NRXN1: variants seen among roughly 807,000 people sequenced by gnomAD.
NRXN1 encodes the protein neurexin-1.
Under a neutral mutation model 150.9 loss-of-function variants are expected in NRXN1, and 39 were observed. That is an observed-to-expected ratio of 0.26 (90% CI 0.20 to 0.34). The LOEUF is 0.34. Ranked by LOEUF, NRXN1 falls within the 10% of genes least tolerant of loss-of-function variation. The pLI is 1.00. For synonymous variants in NRXN1, 924 were observed against 757.0 expected (o/e 1.22, Z -3.62); for missense variants, 1,815 against 1,949.9 (o/e 0.93, Z 1.30).
intron 2 of NRXN1, among the ~76,000 whole-genome samples, chr2:51,011,001 T>C (rs1182359447): frequency 6.6e-6 from 1 of 151,992 alleles, no homozygotes; most frequent in Non-Finnish European, 1.5e-5. Flanking sequence ...CTCAAACTCC[T>C]GGCCTCAAAC....
intron 5 of NRXN1, among the ~76,000 whole-genome samples, chr2:50,846,161 T>G (rs1378890767): frequency 1.3e-5 from 2 of 152,218 alleles, no homozygotes; most frequent in Non-Finnish European, 2.9e-5. Flanking sequence ...CATACATTTT[T>G]TCTGAACCAC....
At chr2:50,369,833 A>C (rs1223528142) in intron 17 of NRXN1, among the ~76,000 whole-genome samples, 1 of 151,988 alleles carries the variant, frequency 6.6e-6, no homozygotes, top group Non-Finnish European at 1.5e-5. Flanking sequence ...CAAGATGTTA[A>C]TCTCCCAGTG....
chr2:50,627,351 T>A (rs1681296429), intron 5 of NRXN1, among the ~76,000 whole-genome samples: 2 of 109,464 alleles, frequency 1.8e-5, no homozygotes, highest in African/African-American at 7.3e-5. Flanking sequence ...GGGTTCTGGT[T>A]CATGTATGTG....
intron 18 of NRXN1, among the ~76,000 whole-genome samples, chr2:50,179,720 TA>T (rs1471136333): frequency 6.6e-6 from 1 of 152,154 alleles, no homozygotes; most frequent in African/African-American, 2.4e-5. Flanking sequence ...TACCCTTTTT[TA>T]TACTACATAG....
chr2:50,147,709 C>T (rs1184308255), intron 18 of NRXN1, among the ~76,000 whole-genome samples: 1 of 151,674 alleles, frequency 6.6e-6, no homozygotes, highest in Non-Finnish European at 1.5e-5. Context: ...AGATAAAAAC[C>T]ACTTAGTTAG....
intron 5 of NRXN1, among the ~76,000 whole-genome samples, chr2:50,853,909 A>C (rs530452106): frequency 4.6e-5 from 7 of 152,196 alleles, no homozygotes; most frequent in African/African-American, 1.2e-4. Flanking sequence ...TAATTTCGCA[A>C]CACATGCTCC....
chr2:50,758,990 T>C (rs10445932), intron 5 of NRXN1, among the ~76,000 whole-genome samples: 11,983 of 151,912 alleles, frequency 0.079, 609 homozygotes, highest in Middle Eastern at 0.15. Context: ...TGCACAAGAG[T>C]TTGTATTAGA....
chr2:50,773,068 C>G (rs934314928), intron 5 of NRXN1, among the ~76,000 whole-genome samples: 2 of 152,186 alleles, frequency 1.3e-5, no homozygotes, highest in Non-Finnish European at 2.9e-5. Context: ...CAGTAACAAG[C>G]TGTCATACAA....
At chr2:50,209,546 G>T (rs2062859771) in intron 18 of NRXN1, among the ~76,000 whole-genome samples, 1 of 152,068 alleles carries the variant, frequency 6.6e-6, no homozygotes, top group South Asian at 2.1e-4. Context: ...AAGTTTATCA[G>T]TTCAAAATAG....
chr2:50,100,146 A>C (rs1013784759), intron 18 of NRXN1, among the ~76,000 whole-genome samples: 9 of 152,150 alleles, frequency 5.9e-5, no homozygotes, highest in Admixed American at 5.2e-4. Flanking sequence ...AGATTCTCCA[A>C]TTTAGGAGGA....
chr2:50,246,588 T>C (rs989319207), intron 17 of NRXN1, among the ~76,000 whole-genome samples: 1 of 152,034 alleles, frequency 6.6e-6, no homozygotes, highest in Admixed American at 6.6e-5. Flanking sequence ...TATTTTGGAC[T>C]GGAACAGAAG....
intron 8 of NRXN1, among the ~76,000 whole-genome samples, chr2:50,560,851 T>C (rs563806503): frequency 1.2e-4 from 18 of 152,282 alleles, no homozygotes; most frequent in Admixed American, 1.0e-3. Context: ...GTACAGATAA[T>C]ATTTTCAATA....
chr2:50,244,713 T>C (rs560447075), intron 17 of NRXN1, among the ~76,000 whole-genome samples: 1 of 152,028 alleles, frequency 6.6e-6, no homozygotes, highest in Admixed American at 6.6e-5. Flanking sequence ...TTACTATGGT[T>C]AATATTATTG....
intron 18 of NRXN1, among the ~76,000 whole-genome samples, chr2:50,143,966 T>C (rs1707651854): frequency 6.6e-6 from 1 of 151,978 alleles, no homozygotes; most frequent in Non-Finnish European, 1.5e-5. Context: ...TATATTTTTC[T>C]CCTCTTCCAT....
In NRXN1 at chr2:49,919,313, AT is replaced by A. The variant is rs1667812881; in HGVS notation, c.*2630del. ...TTCTTTTTCCATTGAGGAAAAAATA[AT>A]TTTTGCTAGAGTTTGTGTAAGCCAA... On this transcript the variant is annotated 3_prime_UTR_variant, in exon 23 of 23. Coordinates refer to ENST00000401669, the MANE Select transcript of NRXN1 (RefSeq NM_001330078.2). 6.6e-6 allele frequency: 1 copy of A among 152,160 alleles called. No homozygotes were observed. The highest frequency in any genetic ancestry group is 6.5e-5 in the Admixed American group (1 of 15,270). 9.4% of individuals were successfully genotyped at this position (152,160 alleles called of 1,614,324 possible).
At chr2:50,353,561 G>T (rs1340708557) in intron 17 of NRXN1, among the ~76,000 whole-genome samples, 1 of 152,142 alleles carries the variant, frequency 6.6e-6, no homozygotes, top group Non-Finnish European at 1.5e-5. Flanking sequence ...TCTGGAAAAT[G>T]ATTATAACGC....
At chr2:51,007,003 T>A (rs1435149646) in intron 2 of NRXN1, among the ~76,000 whole-genome samples, 1 of 151,592 alleles carries the variant, frequency 6.6e-6, no homozygotes, top group Non-Finnish European at 1.5e-5. Flanking sequence ...AGCAGTGACC[T>A]GCCTATCTGA....
At chr2:50,656,403 G>T in intron 5 of NRXN1, 2 of 776,454 alleles carry the variant, frequency 2.6e-6, no homozygotes, top group East Asian at 2.4e-5. Flanking sequence ...GTGGTCTGAA[G>T]AAGTCACAAA....
intron 5 of NRXN1, among the ~76,000 whole-genome samples, chr2:50,893,430 T>C (rs1231928642): frequency 1.3e-5 from 2 of 152,154 alleles, no homozygotes; most frequent in Non-Finnish European, 2.9e-5. Flanking sequence ...AACGTCAATA[T>C]ATAAGGCAGC....
Sources: allele counts gnomAD v4.1 joint callset (sites outside exome capture counted in the v4.1 genomes callset), GRCh38; gene constraint gnomAD v4.1.1; transcripts MANE v1.5; gene names NCBI Gene and HGNC (gene_info 2026-07-23, HGNC 2026-07-21).